GSDMC: variants seen among roughly 807,000 people sequenced by gnomAD.
The protein encoded by GSDMC is gasdermin C, also known as gasdermin-C.
In GSDMC, 59 loss-of-function variants were observed where a neutral mutation model predicts 58.0. The observed-to-expected ratio is 1.02, with a 90% CI of 0.82 to 1.26. The LOEUF (loss-of-function observed/expected upper bound fraction) is 1.26. Among genes scored for constraint, GSDMC ranks in the 50% most tolerant of loss-of-function variants. The pLI is 0.00. For missense variants in GSDMC, 659 were observed against 598.5 expected (o/e 1.10, Z -1.06); for synonymous variants, 241 against 220.2 (o/e 1.09, Z -0.83).
intron 3 of GSDMC, among the ~76,000 whole-genome samples, chr8:129,772,912 T>C (rs570261268): frequency 6.6e-6 from 1 of 152,290 alleles, no homozygotes; most frequent in South Asian, 2.1e-4. Context: ...AAAAGGAACA[T>C]ACACCACAAA....
At chr8:129,771,182 G>A (rs533173343) in intron 3 of GSDMC, among the ~76,000 whole-genome samples, 16 of 151,396 alleles carry the variant, frequency 1.1e-4, no homozygotes, top group East Asian at 7.8e-4. Flanking sequence ...AAATATTAAC[G>A]TAACTGAAAG....
chr8:129,775,883 T>C lies in GSDMC; in HGVS notation c.404+219A>G, dbSNP rs1049916604. Among the ~76,000 whole-genome samples, 12 of 152,280 alleles carry C rather than the reference T, an allele frequency of 7.9e-5. No individual in the cohort carries two copies. The East Asian group carries it at 2.3e-3, about 29-fold the overall frequency. ...GTATCCCCAACATATAACAACATAG[T>C]AGTGGGTAGTTACTGCTCTAATAAG... On this transcript the variant is annotated intron_variant, in intron 3 of 13. Coordinates refer to ENST00000276708, the MANE Select transcript of GSDMC (RefSeq NM_031415.3).
the GSDMC span, among the ~76,000 whole-genome samples, chr8:129,733,029 G>A: frequency 6.6e-6 from 1 of 152,226 alleles, no homozygotes; most frequent in African/African-American, 2.4e-5. Flanking sequence ...GGCTCAGCAG[G>A]TCCCACACCC....
At chr8:129,778,841 C>T (rs111317336) in intron 1 of GSDMC, among the ~76,000 whole-genome samples, 1 of 149,144 alleles carries the variant, frequency 6.7e-6, no homozygotes, top group African/African-American at 2.5e-5. Flanking sequence ...ATGTGGCCAA[C>T]AATCGTATAA....
chr8:129,736,567 G>T, the GSDMC span, among the ~76,000 whole-genome samples: 3 of 152,138 alleles, frequency 2.0e-5, no homozygotes, highest in Admixed American at 2.0e-4. Context: ...ATGCAGAAAA[G>T]GCCTTCGACA....
At chr8:129,738,204 T>C in the GSDMC span, among the ~76,000 whole-genome samples, 2 of 152,154 alleles carry the variant, frequency 1.3e-5, no homozygotes, top group African/African-American at 4.8e-5. Context: ...TAGGAACACT[T>C]TTACATTGTT....
rs995867355 is a variant in GSDMC at position 129,785,874 on chromosome 8, C to T, written c.-5+137G>A. On this transcript the variant is annotated intron_variant, in intron 1 of 13. Transcript: ENST00000276708. ...TATCAGGAATTCTCCATTATTAAGA[C>T]GAACTTAACTTCCTTTTCAGTCAAA... 3.9e-5 allele frequency: 6 copies of T among 151,978 alleles called. No individual in the cohort carries two copies. The East Asian group carries it at 7.7e-4, about 20-fold the overall frequency. 9.4% of individuals were successfully genotyped at this position (151,978 alleles called of 1,614,324 possible). A position where few individuals can be genotyped will look rare whatever the true frequency, so the allele number is the denominator to read the frequency against.
At chr8:129,769,319 C>G (rs1409238180) in intron 3 of GSDMC, among the ~76,000 whole-genome samples, 1 of 151,992 alleles carries the variant, frequency 6.6e-6, no homozygotes, top group Non-Finnish European at 1.5e-5. Flanking sequence ...ATCTAAGAGA[C>G]AATCGCAAAT....
the GSDMC span, chr8:129,730,391 G>A: frequency 4.9e-6 from 6 of 1,217,570 alleles, no homozygotes; most frequent in Non-Finnish European, 6.9e-6. Flanking sequence ...TACAGTCATT[G>A]AAGAAATATG....
At chr8:129,746,122 T>C (rs1316343247), downstream of GSDMC, among the ~76,000 whole-genome samples, 1 of 151,934 alleles carries the variant, frequency 6.6e-6, no homozygotes, top group African/African-American at 2.4e-5. Context: ...ACAAGCACAC[T>C]ACAGGAAAAG....
intron 1 of GSDMC, 44 bp from the exon 2 acceptor site, chr8:129,777,635 A>C (rs775616930): frequency 2.9e-6 from 3 of 1,018,812 alleles, no homozygotes; most frequent in Non-Finnish European, 4.6e-6. Flanking sequence ...AGAGGAAGAA[A>C]ATGGTTAAAC....
At position 129,748,394 on chromosome 8, in the gene GSDMC, T is replaced by A. The variant is rs540218930; in HGVS notation, c.*107A>T. 16 of 1,153,670 alleles carry A rather than the reference T, an allele frequency of 1.4e-5. No homozygotes were observed. The Admixed American group carries it at 3.5e-4, about 25-fold the overall frequency. The allele number at this position is 1,153,670 out of a possible 1,614,324, so 71.5% of individuals were successfully genotyped here. A position where few individuals can be genotyped will look rare whatever the true frequency, so the allele number is the denominator to read the frequency against. The stretch of plus-strand genomic sequence containing the variant: ...TACCCATTACTGTCTCTACTCCACC[T>A]GGAAACGCAGAGAGGCACAGCCCTA... On this transcript the variant is annotated 3_prime_UTR_variant, in exon 14 of 14. Transcript: ENST00000276708.
chr8:129,735,001 C>G, the GSDMC span, among the ~76,000 whole-genome samples: 10 of 152,150 alleles, frequency 6.6e-5, no homozygotes, highest in African/African-American at 2.4e-4. Flanking sequence ...GCAGGGGTTG[C>G]AATCCTAGTC....
chr8:129,706,816 C>T, the GSDMC span, among the ~76,000 whole-genome samples: 2 of 152,194 alleles, frequency 1.3e-5, no homozygotes, highest in Non-Finnish European at 2.9e-5. Context: ...TCTCTACCTC[C>T]TGTATTTCCC....
At chr8:129,753,248 G>C (rs896840775) in intron 6 of GSDMC, among the ~76,000 whole-genome samples, 2 of 152,156 alleles carry the variant, frequency 1.3e-5, no homozygotes, top group African/African-American at 4.8e-5. Flanking sequence ...CATTCCCTTT[G>C]TTTAAGTGAA....
chr8:129,709,597 TA>T, the GSDMC span, among the ~76,000 whole-genome samples: 1 of 130,928 alleles, frequency 7.6e-6, no homozygotes, highest in Non-Finnish European at 1.8e-5. Flanking sequence ...AGATGATAGA[TA>T]GATAGATAGA....
chr8:129,730,722 T>C, the GSDMC span, among the ~76,000 whole-genome samples: 1 of 152,194 alleles, frequency 6.6e-6, no homozygotes, highest in Non-Finnish European at 1.5e-5. Flanking sequence ...CACAGCAGTC[T>C]CCTACTTAAT....
At chr8:129,751,994 C>T (rs991367253) in intron 8 of GSDMC, 103 bp from the exon 9 acceptor site, 10 of 1,454,188 alleles carry the variant, frequency 6.9e-6, no homozygotes, top group Non-Finnish European at 9.7e-6. Flanking sequence ...TCTGTTCCTG[C>T]CCTTTTCCCC....
intron 3 of GSDMC, among the ~76,000 whole-genome samples, chr8:129,772,925 A>G (rs1351027060): frequency 6.6e-6 from 1 of 152,248 alleles, no homozygotes; most frequent in Non-Finnish European, 1.5e-5. Context: ...ACCACAAACA[A>G]GTGGAATTTA....
Sources: gnomAD v4.1 joint callset for allele counts (sites outside exome capture counted in the v4.1 genomes callset) on GRCh38, gnomAD v4.1.1 for gene constraint, MANE v1.5 for transcripts, NCBI Gene and HGNC (gene_info 2026-07-23, HGNC 2026-07-21) for gene names.